The following FANCL variants were observed in gnomAD, a reference collection of about 807,000 sequenced individuals.
FANCL encodes the protein E3 ubiquitin-protein ligase FANCL.
Under a neutral mutation model 59.4 loss-of-function variants are expected in FANCL, and 69 were observed. The observed-to-expected ratio is 1.16, with a 90% CI of 0.96 to 1.42. The LOEUF (loss-of-function observed/expected upper bound fraction) is 1.42, where lower values mean the gene tolerates loss of function less well. Ranked by LOEUF, FANCL falls within the 40% of genes most tolerant of loss-of-function variation. The pLI is 0.00. For missense variants in FANCL, 519 were observed against 447.2 expected, an observed-to-expected ratio of 1.16 and a Z score of -1.45; for synonymous variants, 180 against 147.1, an observed-to-expected ratio of 1.22 and a Z score of -1.62.
chr2:58,171,534 T>G (rs1175205204), intron 7 of FANCL, among the ~76,000 whole-genome samples: 1 of 151,946 alleles, frequency 6.6e-6, no homozygotes, highest in Non-Finnish European at 1.5e-5. Flanking sequence ...AGAGCAGAAC[T>G]GAAGGAGATA....
At chr2:58,240,494 G>C (rs927868297) in intron 1 of FANCL, among the ~76,000 whole-genome samples, 9 of 152,160 alleles carry the variant, frequency 5.9e-5, no homozygotes, top group African/African-American at 2.2e-4. Flanking sequence ...TAACGTCTCC[G>C]GTTTCCCATA....
chr2:58,229,655 G>C (rs1002651441), intron 3 of FANCL, among the ~76,000 whole-genome samples, 159 bp downstream of exon 3: 1 of 152,148 alleles, frequency 6.6e-6, no homozygotes, highest in Non-Finnish European at 1.5e-5. Context: ...ATCTCCTGAG[G>C]ACACTGAGAT....
Position 58,160,169 on chromosome 2 carries a change from C to T in FANCL, c.1031G>A (p.Gly344Glu). Residue 344 changes from glycine to glutamate, a missense_variant, in exon 13 of 14, where the codon GGA becomes GAA. By Grantham distance (98) the Gly-to-Glu change is moderately conservative. Transcript: ENST00000233741. ...HQICLYEWLR[G>E]LLTSRQSFNI... is the part of the protein sequence containing the mutation. ...AAAACTCTGTCTACTAGTTAGTAGTCCTCTCAGCCACTGCAAATTTTAAAA... is the reference window on the plus strand; with the variant it reads ...AAAACTCTGTCTACTAGTTAGTAGTTCTCTCAGCCACTGCAAATTTTAAAA... The T allele has an allele frequency of 6.2e-7, 1 of 1,612,786 alleles. No homozygotes were observed. Among genetic ancestry groups the T allele is most frequent in the Non-Finnish European group, 8.5e-7 (1 of 1,179,038 alleles).
intron 7 of FANCL, among the ~76,000 whole-genome samples, chr2:58,182,943 C>T (rs1688065829): frequency 6.6e-6 from 1 of 151,776 alleles, no homozygotes; most frequent in Non-Finnish European, 1.5e-5. Flanking sequence ...TACTTACCTC[C>T]CTTAGCATTT....
At chr2:58,236,473 AAC>A (rs1553458510) in intron 1 of FANCL, among the ~76,000 whole-genome samples, 4 of 151,542 alleles carry the variant, frequency 2.6e-5, no homozygotes, top group South Asian at 2.1e-4. Context: ...TTAAAAAAAA[AAC>A]ACACACACAC....
intron 7 of FANCL, among the ~76,000 whole-genome samples, chr2:58,194,838 A>G (rs1689275220): frequency 6.6e-6 from 1 of 151,798 alleles, no homozygotes; most frequent in Non-Finnish European, 1.5e-5. Flanking sequence ...ATACATCAAA[A>G]CATTATCAAC....
intron 7 of FANCL, among the ~76,000 whole-genome samples, chr2:58,172,692 C>A (rs1029958009): frequency 6.6e-6 from 1 of 152,122 alleles, no homozygotes; most frequent in Non-Finnish European, 1.5e-5. Context: ...GGGGAAAAAA[C>A]AGACCAGAAA....
intron 6 of FANCL, among the ~76,000 whole-genome samples, chr2:58,202,520 GTTTT>G (rs935437096): frequency 6.8e-6 from 1 of 148,006 alleles, no homozygotes; most frequent in African/African-American, 2.5e-5. Context: ...TTCCAAAACA[GTTTT>G]TTTTTTCTTT....
intron 7 of FANCL, among the ~76,000 whole-genome samples, chr2:58,198,070 T>C (rs1405830306): frequency 6.6e-6 from 1 of 151,724 alleles, no homozygotes; most frequent in Non-Finnish European, 1.5e-5. Flanking sequence ...TATTTATGCA[T>C]GGGTGTGGGT....
intron 7 of FANCL, among the ~76,000 whole-genome samples, chr2:58,185,478 A>C (rs1688312097): frequency 6.6e-6 from 1 of 152,166 alleles, no homozygotes; most frequent in South Asian, 2.1e-4. Context: ...ACCATTAGAA[A>C]GTTACTCTAT....
Position 58,159,980 on chromosome 2 carries a change from A to G in FANCL, c.1092+128T>C, listed in dbSNP as rs887610655. On this transcript the variant is annotated intron_variant, in intron 13 of 13. Transcript: ENST00000233741. Reference sequence around the variant, plus strand: ...TAATGTTTTTGATCAGAGAATTTGAAAAATAGAAATACAGAGAATGAGTTT... The same window carrying G: ...TAATGTTTTTGATCAGAGAATTTGAGAAATAGAAATACAGAGAATGAGTTT... 2.6e-6 allele frequency: 4 copies of G among 1,532,972 alleles called. No homozygotes were observed. In the African/African-American group the frequency reaches 4.2e-5, roughly 16 times the overall value. The allele number at this position is 1,532,972 out of a possible 1,614,324, so 95.0% of individuals were successfully genotyped here.
At chr2:58,179,760 A>G (rs1249320383) in intron 7 of FANCL, among the ~76,000 whole-genome samples, 1 of 152,220 alleles carries the variant, frequency 6.6e-6, no homozygotes, top group Non-Finnish European at 1.5e-5. Context: ...GCTCCTTCAC[A>G]GCAAAAGAAA....
chr2:58,222,864 A>T (rs1692620242), intron 4 of FANCL, among the ~76,000 whole-genome samples: 4 of 152,066 alleles, frequency 2.6e-5, no homozygotes. Flanking sequence ...AATTAATTAA[A>T]TAAATCAGCT....
intron 7 of FANCL, among the ~76,000 whole-genome samples, chr2:58,183,363 T>A (rs1027618540): frequency 9.2e-5 from 14 of 151,806 alleles, no homozygotes; most frequent in African/African-American, 3.4e-4. Context: ...TAGGTCTGAA[T>A]TCTCCAAAGT....
At chr2:58,175,041 G>A (rs1687138900) in intron 7 of FANCL, among the ~76,000 whole-genome samples, 2 of 151,688 alleles carry the variant, frequency 1.3e-5, no homozygotes, top group South Asian at 4.2e-4. Context: ...TAGAAGAAAT[G>A]GATAAATTCC....
intron 13 of FANCL, 105 bp from the exon 14 acceptor site, chr2:58,159,905 G>A: frequency 2.6e-6 from 4 of 1,552,546 alleles, no homozygotes; most frequent in Non-Finnish European, 3.5e-6. Context: ...GTACAGTTTG[G>A]AAAACACTTC....
chr2:58,159,453 T>C lies in FANCL; in HGVS notation c.*312A>G. 6.2e-7 allele frequency: 1 copy of C among 1,613,696 alleles called. No individual in the cohort carries two copies. The highest frequency in any genetic ancestry group is 1.3e-5 in the African/African-American group (1 of 75,040). ...GCTATACACAATTCCCAAACTCATTTTATGAGCCTCATCAAGATTTTACCA... is the reference window on the plus strand; with the variant it reads ...GCTATACACAATTCCCAAACTCATTCTATGAGCCTCATCAAGATTTTACCA... On this transcript the variant is annotated 3_prime_UTR_variant, in exon 14 of 14. Transcript: ENST00000233741.
chr2:58,223,915 A>G (rs1692720421), intron 4 of FANCL, among the ~76,000 whole-genome samples: 1 of 151,964 alleles, frequency 6.6e-6, no homozygotes, highest in Non-Finnish European at 1.5e-5. Context: ...ATTATAGTAT[A>G]GGAACCCTAT....
chr2:58,217,648 A>G (rs1691985121), intron 5 of FANCL, among the ~76,000 whole-genome samples: 1 of 152,066 alleles, frequency 6.6e-6, no homozygotes, highest in African/African-American at 2.4e-5. Context: ...AAGATATAGC[A>G]ATTATAAATC....
Sources: gnomAD v4.1 joint callset for allele counts (sites outside exome capture counted in the v4.1 genomes callset) on GRCh38, gnomAD v4.1.1 for gene constraint, MANE v1.5 for transcripts, NCBI Gene and HGNC (gene_info 2026-07-23, HGNC 2026-07-21) for gene names.